The following MAGI2 variants were observed in gnomAD, a reference collection of about 807,000 sequenced individuals.
MAGI2 encodes membrane associated guanylate kinase, WW and PDZ domain containing 2, also known as membrane-associated guanylate kinase, WW and PDZ domain-containing protein 2.
MAGI2 carries 35 observed loss-of-function variants against 133.3 expected under a neutral mutation model. The ratio of observed to expected loss-of-function variants is 0.26; its 90% CI spans 0.20 to 0.35. The LOEUF (loss-of-function observed/expected upper bound fraction) is 0.35, where lower values mean the gene tolerates loss of function less well. MAGI2 is among the 10% of genes least tolerant of loss of function. MAGI2 has a pLI of 1.00. For missense variants in MAGI2, 1,636 were observed against 1,863.4 expected (o/e 0.88, Z 2.25); for synonymous variants, 729 against 710.6 (o/e 1.03, Z -0.41).
intron 2 of MAGI2, among the ~76,000 whole-genome samples, chr7:78,680,515 C>T (rs753064965): frequency 4.6e-5 from 7 of 152,082 alleles, no homozygotes; most frequent in East Asian, 1.9e-4. Context: ...TCCTAGCTGG[C>T]CTTTTAGGGT....
Position 79,249,207 on chromosome 7 carries a change from C to T in MAGI2, c.301+203813G>A, listed in dbSNP as rs920824713. 3.9e-5 allele frequency among the ~76,000 whole-genome samples: 6 copies of T among 151,948 alleles called. No homozygotes were observed. In the South Asian group the frequency reaches 6.2e-4, roughly 16 times the overall value. ...TAGAAAAGTTTATGGCGATAAGTACCTGCATCAAAAAAGTAGAAGAACAAT... is the reference window on the plus strand; with the variant it reads ...TAGAAAAGTTTATGGCGATAAGTACTTGCATCAAAAAAGTAGAAGAACAAT... On this transcript the variant is annotated intron_variant, in intron 1 of 21. Transcript: ENST00000354212.
chr7:79,273,244 A>C (rs564989133), intron 1 of MAGI2, among the ~76,000 whole-genome samples: 34 of 151,708 alleles, frequency 2.2e-4, no homozygotes, highest in African/African-American at 8.0e-4. Flanking sequence ...GCCAAAAAAA[A>C]ATAGTTTTGA....
At chr7:79,352,162 C>T (rs530115105) in intron 1 of MAGI2, among the ~76,000 whole-genome samples, 7 of 152,274 alleles carry the variant, frequency 4.6e-5, no homozygotes, top group African/African-American at 1.7e-4. Flanking sequence ...TTAAGCAACA[C>T]TTCAGGATTA....
At chr7:78,281,195 A>G (rs1795536513) in intron 9 of MAGI2, among the ~76,000 whole-genome samples, 1 of 152,102 alleles carries the variant, frequency 6.6e-6, no homozygotes, top group South Asian at 2.1e-4. Flanking sequence ...TAATAGGCAT[A>G]TTTTGTTGTT....
At chr7:78,188,071 T>G (rs961256045) in intron 12 of MAGI2, among the ~76,000 whole-genome samples, 17 of 152,316 alleles carry the variant, frequency 1.1e-4, no homozygotes, top group African/African-American at 4.1e-4. Context: ...GCTCTAGGAT[T>G]GGATCTAATT....
intron 9 of MAGI2, among the ~76,000 whole-genome samples, chr7:78,282,182 AT>A (rs1409023454): frequency 3.0e-5 from 4 of 135,448 alleles, no homozygotes; most frequent in Non-Finnish European, 6.0e-5. Context: ...GCTTTGGAAT[AT>A]AATCAATGTC....
chr7:79,410,146 AGT>A, intron 1 of MAGI2: 1 of 152,080 alleles, frequency 6.6e-6, no homozygotes. Flanking sequence ...CGACATTCTA[AGT>A]GTTTTCCATA....
intron 2 of MAGI2, among the ~76,000 whole-genome samples, chr7:78,929,496 G>T (rs542662817): frequency 1.6e-4 from 25 of 152,158 alleles, no homozygotes; most frequent in African/African-American, 6.0e-4. Flanking sequence ...TCAAACGTCA[G>T]CAGGAGTGGT....
At chr7:78,574,933 A>G (rs1412021201) in intron 3 of MAGI2, among the ~76,000 whole-genome samples, 1 of 152,214 alleles carries the variant, frequency 6.6e-6, no homozygotes, top group Non-Finnish European at 1.5e-5. Context: ...ATTCAAGACC[A>G]TGCTTAAATT....
At chr7:79,330,212 T>A (rs1881295) in intron 1 of MAGI2, among the ~76,000 whole-genome samples, 67,186 of 114,882 alleles carry the variant, frequency 0.58, 21,329 homozygotes, top group Non-Finnish European at 0.7. Context: ...TTTTTTTTTT[T>A]AGAAGGAGTC....
At chr7:79,274,241 C>A (rs1835076128) in intron 1 of MAGI2, among the ~76,000 whole-genome samples, 1 of 152,094 alleles carries the variant, frequency 6.6e-6, no homozygotes, top group South Asian at 2.1e-4. Flanking sequence ...TATCTGGCAA[C>A]CCTACCTGGA....
intron 1 of MAGI2, among the ~76,000 whole-genome samples, chr7:79,109,438 G>A (rs1262610948): frequency 6.6e-6 from 1 of 152,164 alleles, no homozygotes; most frequent in Non-Finnish European, 1.5e-5. Context: ...TGGATCTGTG[G>A]AAGTTTAAAC....
intron 3 of MAGI2, among the ~76,000 whole-genome samples, chr7:78,557,080 C>CAAAAAAAAA (rs796371005): frequency 0.026 from 1,057 of 40,804 alleles, 58 homozygotes; most frequent in East Asian, 0.088. Flanking sequence ...GGCAGAGTCT[C>CAAAAAAAAA]AAAAAAAAAA....
At chr7:79,371,232 T>C (rs1357033746) in intron 1 of MAGI2, among the ~76,000 whole-genome samples, 1 of 152,158 alleles carries the variant, frequency 6.6e-6, no homozygotes, top group Non-Finnish European at 1.5e-5. Flanking sequence ...TGTAAAAAAC[T>C]ATCTTAACAT....
intron 4 of MAGI2, chr7:78,518,919 T>C (rs979432543): frequency 4.6e-5 from 7 of 152,260 alleles, no homozygotes; most frequent in African/African-American, 1.7e-4. Context: ...TTTGTGTGTT[T>C]TGCAGAGATG....
intron 11 of MAGI2, among the ~76,000 whole-genome samples, chr7:78,196,715 T>C (rs532742951): frequency 6.6e-6 from 1 of 152,354 alleles, no homozygotes; most frequent in East Asian, 1.9e-4. Context: ...GGGGTTCATG[T>C]TGAGCCAGCA....
At position 79,053,097 on chromosome 7, in the gene MAGI2, C is replaced by T. The variant is rs555414492; in HGVS notation, c.302-45891G>A. 7.2e-5 allele frequency among the ~76,000 whole-genome samples: 11 copies of T among 152,120 alleles called. No individual in the cohort carries two copies. The East Asian group carries it at 1.7e-3, about 24-fold the overall frequency. ...ACGCCATTCTCCTGCCTCAGCCTCC[C>T]GAGTAGCTGGGACTACAGACGCCCA... On this transcript the variant is annotated intron_variant, in intron 1 of 21. Coordinates refer to ENST00000354212, the MANE Select transcript of MAGI2 (RefSeq NM_012301.4).
intron 20 of MAGI2, among the ~76,000 whole-genome samples, chr7:78,114,424 T>A (rs1041655853): frequency 6.6e-6 from 1 of 152,242 alleles, no homozygotes; most frequent in African/African-American, 2.4e-5. Context: ...GTTAAGGGAA[T>A]CAGCCTCAAT....
intron 1 of MAGI2, among the ~76,000 whole-genome samples, chr7:79,017,818 C>A (rs992362898): frequency 6.6e-6 from 1 of 151,952 alleles, no homozygotes; most frequent in East Asian, 1.9e-4. Context: ...ATTGACCAAG[C>A]TGAGGAAAAA....
Sources: gnomAD v4.1 joint callset for allele counts (sites outside exome capture counted in the v4.1 genomes callset) on GRCh38, gnomAD v4.1.1 for gene constraint, MANE v1.5 for transcripts, NCBI Gene and HGNC (gene_info 2026-07-23, HGNC 2026-07-21) for gene names.